The following SPATS2 variants were observed in gnomAD, a reference collection of about 807,000 sequenced individuals.
SPATS2 encodes the protein spermatogenesis associated serine rich 2.
In SPATS2, 38 loss-of-function variants were observed where a neutral mutation model predicts 63.7. The ratio of observed to expected loss-of-function variants is 0.60; its 90% CI spans 0.46 to 0.78. The LOEUF is 0.78. Ranked by LOEUF, SPATS2 falls within the 30% of genes least tolerant of loss-of-function variation. The pLI, the probability that SPATS2 is intolerant of heterozygous loss-of-function variation, is 0.00. For missense variants in SPATS2, 588 were observed against 666.2 expected (o/e 0.88, Z 1.29); for synonymous variants, 207 against 232.9 (o/e 0.89, Z 1.01).
chr12:49,518,931 G>T, intron 10 of SPATS2, 142 bp from the exon 11 acceptor site: 1 of 531,038 alleles, frequency 1.9e-6, no homozygotes, highest in Non-Finnish European at 3.2e-6. Context: ...GTAGAGACCA[G>T]ACTTTTGATA....
chr12:49,490,830 C>T, intron 6 of SPATS2, 99 bp downstream of exon 6: 1 of 1,128,942 alleles, frequency 8.9e-7, no homozygotes, highest in South Asian at 1.4e-5. Context: ...ACATACATAT[C>T]TTCTGTTTAC....
chr12:49,473,511 A>T (rs1294736987), intron 3 of SPATS2, among the ~76,000 whole-genome samples: 1 of 152,222 alleles, frequency 6.6e-6, no homozygotes, highest in African/African-American at 2.4e-5. Flanking sequence ...TATGTACTGA[A>T]GTTGAAGCTA....
chr12:49,393,811 T>G (rs369451837), intron 2 of SPATS2, among the ~76,000 whole-genome samples: 19 of 152,248 alleles, frequency 1.2e-4, no homozygotes, highest in East Asian at 1.9e-4. Flanking sequence ...TCTATTTGTT[T>G]CCTTTCAATA....
chr12:49,371,315 C>CT (rs1372044484), intron 2 of SPATS2, 25 bp downstream of exon 2: 38 of 152,306 alleles, frequency 2.5e-4, no homozygotes, highest in African/African-American at 8.2e-4. Flanking sequence ...ACAATATTTA[C>CT]TTTTTTGTGT....
intron 2 of SPATS2, among the ~76,000 whole-genome samples, chr12:49,423,997 G>GT (rs1244259549): frequency 1.3e-5 from 2 of 152,188 alleles, no homozygotes; most frequent in East Asian, 3.8e-4. Flanking sequence ...GAGGTTAGGA[G>GT]TTTGAGACCA....
At chr12:49,469,389 CAAA>C (rs779364300) in intron 3 of SPATS2, 2,500 of 68,188 alleles carry the variant, frequency 0.037, no homozygotes, top group Middle Eastern at 0.074. Flanking sequence ...GACTCTGTCT[CAAA>C]AAAAAAAAAA....
intron 4 of SPATS2, 77 bp downstream of exon 4, chr12:49,484,746 C>A: frequency 2.4e-6 from 3 of 1,261,634 alleles, no homozygotes; most frequent in Non-Finnish European, 3.4e-6. Flanking sequence ...GTGGCTACCA[C>A]AAACTCATTA....
At chr12:49,510,584 T>A (rs1946736385) in intron 9 of SPATS2, among the ~76,000 whole-genome samples, 1 of 150,662 alleles carries the variant, frequency 6.6e-6, no homozygotes, top group Non-Finnish European at 1.5e-5. Flanking sequence ...AAAAAAAGAT[T>A]CTAAGTTTTG....
chr12:49,490,654 C>T lies in SPATS2; in HGVS notation c.215-28C>T. The T allele has an allele frequency of 1.9e-6, 3 of 1,611,702 alleles. No homozygotes were observed. The East Asian group carries it at 6.7e-5, about 36-fold the overall frequency. On this transcript the variant is annotated intron_variant, in intron 5 of 13. Transcript: ENST00000552918. ...TGACTACTGTGTGTGTGGTAGGAGA[C>T]AAAATCTGTAATTGGTTTCTCTTAC...
intron 2 of SPATS2, among the ~76,000 whole-genome samples, chr12:49,453,241 T>C (rs924443257): frequency 7.2e-5 from 11 of 151,946 alleles, no homozygotes; most frequent in Admixed American, 3.3e-4. Flanking sequence ...TCCAACTCCA[T>C]GTGGTTGTTT....
At chr12:49,489,642 A>G in intron 5 of SPATS2, 69 bp downstream of exon 5, 1 of 1,317,620 alleles carries the variant, frequency 7.6e-7, no homozygotes, top group Non-Finnish European at 1.1e-6. Flanking sequence ...GACTTTTATA[A>G]CATTCAGCAA....
At chr12:49,413,828 A>G (rs139104141) in intron 2 of SPATS2, among the ~76,000 whole-genome samples, 303 of 152,262 alleles carry the variant, frequency 2.0e-3, no homozygotes, top group African/African-American at 6.7e-3. Flanking sequence ...CCAGTATGCA[A>G]CACTGGACAG....
At chr12:49,421,637 G>A (rs1944986507) in intron 2 of SPATS2, among the ~76,000 whole-genome samples, 1 of 152,040 alleles carries the variant, frequency 6.6e-6, no homozygotes, top group Non-Finnish European at 1.5e-5. Context: ...ATAAAAAGGT[G>A]AAGTAAACAG....
At chr12:49,488,050 A>AT (rs201300077) in intron 4 of SPATS2, among the ~76,000 whole-genome samples, 4,443 of 145,824 alleles carry the variant, frequency 0.03, 87 homozygotes, top group Middle Eastern at 0.088. Context: ...TTCATCCTGT[A>AT]TTTTTTTTTT....
chr12:49,522,652 A>G (rs1946960692), intron 11 of SPATS2, 99 bp from the exon 12 acceptor site: 1 of 943,064 alleles, frequency 1.1e-6, no homozygotes, highest in African/African-American at 1.7e-5. Context: ...GAAGCAATAA[A>G]AAGACAATTG....
chr12:49,411,636 C>T (rs1234319328), intron 2 of SPATS2, among the ~76,000 whole-genome samples: 1 of 151,772 alleles, frequency 6.6e-6, no homozygotes, highest in Non-Finnish European at 1.5e-5. Context: ...TGATTTTTTC[C>T]TCTTGGTACT....
intron 2 of SPATS2, among the ~76,000 whole-genome samples, chr12:49,449,846 A>T (rs1945586585): frequency 6.6e-6 from 1 of 152,196 alleles, no homozygotes; most frequent in South Asian, 2.1e-4. Flanking sequence ...ATTACAATTC[A>T]AGGTGAGATT....
intron 7 of SPATS2, 91 bp from the exon 8 acceptor site, chr12:49,496,742 C>CA: frequency 7.3e-7 from 1 of 1,364,670 alleles, no homozygotes; most frequent in Non-Finnish European, 1.0e-6. Flanking sequence ...GGTTTTGCCT[C>CA]AAACATTTTT....
chr12:49,516,429 C>T (rs1946851876), intron 10 of SPATS2, among the ~76,000 whole-genome samples: 1 of 150,290 alleles, frequency 6.7e-6, no homozygotes, highest in Non-Finnish European at 1.5e-5. Context: ...AAATTTTGGC[C>T]GGGTGCAGTG....
Sources: allele counts gnomAD v4.1 joint callset (sites outside exome capture counted in the v4.1 genomes callset), GRCh38; gene constraint gnomAD v4.1.1; transcripts MANE v1.5; gene names NCBI Gene and HGNC (gene_info 2026-07-23, HGNC 2026-07-21).